CCT6B: variants seen among roughly 807,000 people sequenced by gnomAD.
CCT6B encodes the protein probable T-complex protein 1 subunit zeta-2.
Under a neutral mutation model 61.5 loss-of-function variants are expected in CCT6B, and 49 were observed. That is an observed-to-expected ratio of 0.80 (90% CI 0.63 to 1.01). The LOEUF is 1.01. Ranked by LOEUF, CCT6B falls within the 50% of genes least tolerant of loss-of-function variation. The pLI, the probability that CCT6B is intolerant of heterozygous loss-of-function variation, is 0.00. For missense variants in CCT6B, 666 were observed against 634.7 expected (o/e 1.05, Z -0.53); for synonymous variants, 228 against 214.5 (o/e 1.06, Z -0.55).
chr17:34,942,843 T>A lies in CCT6B; in HGVS notation c.678A>T (p.Glu226Asp), dbSNP rs2142155577. ...CGTTGCAAATAAGGATAAATGCATCTTCTACTCGCTTCTTCATATCTGGAT... is the reference window on the plus strand; with the variant it reads ...CGTTGCAAATAAGGATAAATGCATCATCTACTCGCTTCTTCATATCTGGAT... ...ARHPDMKKRV[E>D]DAFILICNVS... Residue 226 changes from glutamate (E) to aspartate (D), a missense_variant, in exon 6 of 14, where the codon GAA becomes GAT. Physicochemically the swap from Glu to Asp is conservative, Grantham distance 45 (BLOSUM62 2). Transcript: ENST00000314144. 6.2e-7 allele frequency: 1 copy of A among 1,611,812 alleles called. No individual in the cohort carries two copies. Among genetic ancestry groups the A allele is most frequent in the Non-Finnish European group, 8.5e-7 (1 of 1,178,714 alleles).
chr17:34,958,886 C>T (rs1410837560), intron 2 of CCT6B, among the ~76,000 whole-genome samples, 192 bp from the exon 3 acceptor site: 2 of 152,072 alleles, frequency 1.3e-5, no homozygotes, highest in African/African-American at 4.8e-5. Flanking sequence ...GTAATGAGGC[C>T]TGAACATTTC....
intron 5 of CCT6B, among the ~76,000 whole-genome samples, chr17:34,950,453 C>T (rs1263876130): frequency 6.6e-6 from 1 of 152,096 alleles, no homozygotes; most frequent in African/African-American, 2.4e-5. Flanking sequence ...AATGGTGATA[C>T]CACTACAGAT....
At chr17:34,944,507 C>T (rs892295237) in intron 5 of CCT6B, 1 of 152,258 alleles carries the variant, frequency 6.6e-6, no homozygotes, top group African/African-American at 2.4e-5. Flanking sequence ...TAGCTACTGC[C>T]CCATTTCTCT....
intron 5 of CCT6B, chr17:34,944,504 T>C (rs2142158306): frequency 1.3e-5 from 2 of 152,408 alleles, no homozygotes; most frequent in Admixed American, 1.3e-4. Context: ...TTCTAGCTAC[T>C]GCCCCATTTC....
At chr17:34,958,337 G>A (rs555100614) in intron 3 of CCT6B, among the ~76,000 whole-genome samples, 2 of 152,240 alleles carry the variant, frequency 1.3e-5, no homozygotes, top group African/African-American at 4.8e-5. Context: ...CCAGCTACTC[G>A]GGAAGCTGAA....
At chr17:34,928,875 A>G (rs894234989) in intron 13 of CCT6B, 87 bp downstream of exon 13, 5 of 771,462 alleles carry the variant, frequency 6.5e-6, no homozygotes, top group Non-Finnish European at 8.6e-6. Flanking sequence ...TCCACTGTAC[A>G]GGGACAAAAA....
At position 34,958,550 on chromosome 17, in the gene CCT6B, A is replaced by G; in HGVS notation, c.336+10T>C. ...TTCAAAATAACATATAAACTGTGAA[A>G]TTCTAATACCTCAGAAATGTACAGG... is the stretch of plus-strand genomic sequence containing the variant. On this transcript the variant is annotated intron_variant, in intron 3 of 13. Transcript: ENST00000314144. The G allele has an allele frequency of 6.7e-7, 1 of 1,486,916 alleles. No homozygotes were observed. Among genetic ancestry groups the G allele is most frequent in the Middle Eastern group, 1.8e-4 (1 of 5,604 alleles). The allele number at this position is 1,486,916 out of a possible 1,614,324, so 92.1% of individuals were successfully genotyped here.
intron 10 of CCT6B, among the ~76,000 whole-genome samples, chr17:34,933,114 A>T (rs1462379766): frequency 6.6e-6 from 1 of 152,202 alleles, no homozygotes; most frequent in Non-Finnish European, 1.5e-5. Flanking sequence ...TTTATAATTT[A>T]TATTGACAGG....
In CCT6B at chr17:34,928,123, G is replaced by A. The variant is rs2089990082; in HGVS notation, c.1524-6C>T. On this transcript the variant is annotated splice_polypyrimidine_tract_variant and splice_region_variant and intron_variant, in intron 13 of 13. Coordinates refer to ENST00000314144, the MANE Select transcript of CCT6B (RefSeq NM_006584.4). ...TGTTGGTGGCAATCACTGTGCTAAG[G>A]AAAAAGATGAGAGGGTGAGTAAAGC... 3 of 1,604,278 alleles carry A rather than the reference G, an allele frequency of 1.9e-6. No homozygotes were observed. Among genetic ancestry groups the A allele is most frequent in the African/African-American group, 2.7e-5 (2 of 74,472 alleles).
rs530437807 is a variant in CCT6B, at chr17:34,930,454, C to T, written c.1450+495G>A. 2.6e-5 allele frequency among the ~76,000 whole-genome samples: 4 copies of T among 152,228 alleles called. No individual in the cohort carries two copies. In the South Asian group the frequency reaches 8.3e-4, roughly 32 times the overall value. On this transcript the variant is annotated intron_variant, in intron 12 of 13. Transcript: ENST00000314144. ...GCTTTTCCACTGGCTGTTCTCTTTC[C>T]CTAGAACACTTAACCCCAGTTGCCT... is the stretch of plus-strand genomic sequence containing the variant.
chr17:34,942,732 A>G (rs2090179473), intron 6 of CCT6B, 64 bp downstream of exon 6: 2 of 1,495,114 alleles, frequency 1.3e-6, no homozygotes, highest in Admixed American at 2.0e-5. Context: ...TGGAAGGAAA[A>G]AGAGATTTTA....
chr17:34,956,061 A>G (rs1420217601), intron 3 of CCT6B, among the ~76,000 whole-genome samples: 4 of 152,142 alleles, frequency 2.6e-5, no homozygotes, highest in African/African-American at 9.7e-5. Flanking sequence ...TAAAATGCCA[A>G]CCTGACCATA....
rs767342965 is a variant in CCT6B at position 34,958,735 on chromosome 17, A to C, written c.202-41T>G. On this transcript the variant is annotated intron_variant, in intron 2 of 13. Transcript: ENST00000314144. ...AACAGATTTAAAAAGACAGGATGAGATAAGGAAGTAGGTCACCAAAAGCAA... is the reference window on the plus strand; with the variant it reads ...AACAGATTTAAAAAGACAGGATGAGCTAAGGAAGTAGGTCACCAAAAGCAA... 7.2e-6 allele frequency: 11 copies of C among 1,523,940 alleles called. No homozygotes were observed. In the African/African-American group the frequency reaches 1.5e-4, roughly 21 times the overall value. The allele number at this position is 1,523,940 out of a possible 1,614,324, so 94.4% of individuals were successfully genotyped here. A position where few individuals can be genotyped will look rare whatever the true frequency, so the allele number is the denominator to read the frequency against.
intron 4 of CCT6B, 128 bp from the exon 5 acceptor site, chr17:34,952,181 T>C: frequency 3.6e-6 from 2 of 551,632 alleles, no homozygotes; most frequent in Non-Finnish European, 3.2e-6. Flanking sequence ...GCAAGACCAA[T>C]ATGTGCCACT....
At chr17:34,959,564 T>G (rs747782305) in intron 2 of CCT6B, 23 bp downstream of exon 2, 1 of 1,586,132 alleles carries the variant, frequency 6.3e-7, no homozygotes, top group Non-Finnish European at 8.7e-7. Context: ...TAAGGTTTAT[T>G]AAAGTCAGCA....
At position 34,958,809 on chromosome 17, in the gene CCT6B, T is replaced by C. The variant is rs1192412257; in HGVS notation, c.202-115A>G. ...AATTAAAAAATGAAATAAGCTTCAT[T>C]CTACAAGTTTACAAGTTTTGTATTA... On this transcript the variant is annotated intron_variant, in intron 2 of 13. Coordinates refer to ENST00000314144, the MANE Select transcript of CCT6B (RefSeq NM_006584.4). The C allele has an allele frequency of 4.2e-6, 3 of 706,286 alleles. No homozygotes were observed. The African/African-American group carries it at 5.5e-5, about 13-fold the overall frequency. 43.8% of individuals were successfully genotyped at this position (706,286 alleles called of 1,614,324 possible). A position where few individuals can be genotyped will look rare whatever the true frequency, so the allele number is the denominator to read the frequency against.
chr17:34,941,806 T>C (rs1312456663), intron 7 of CCT6B, among the ~76,000 whole-genome samples: 1 of 152,282 alleles, frequency 6.6e-6, no homozygotes, highest in East Asian at 1.9e-4. Context: ...ATCCCAACAC[T>C]TTGGGAGGCC....
rs149906430 is a variant in CCT6B, at chr17:34,942,885, C to T, written c.636G>A (p.Leu212=). 1,289 of 1,602,808 alleles carry T rather than the reference C, an allele frequency of 8.0e-4. 6 individuals are homozygous for T. The highest frequency in any genetic ancestry group is 2.9e-3 in the South Asian group (256 of 89,700). The change falls in exon 6 of 14, where the codon TTG becomes TTA. Residue 212 remains leucine (L), a synonymous_variant. Transcript: ENST00000314144. ...TATCTGGATGACGGGCACCATGATCCAAAACTAATCCTTGGATCAACCTAT... is the reference window on the plus strand; with the variant it reads ...TATCTGGATGACGGGCACCATGATCTAAAACTAATCCTTGGATCAACCTAT... ...TDTKLIQGLV[L]DHGARHPDMK...
At chr17:34,955,829 C>G (rs1023086652) in intron 3 of CCT6B, among the ~76,000 whole-genome samples, 18 of 152,110 alleles carry the variant, frequency 1.2e-4, no homozygotes, top group Non-Finnish European at 1.9e-4. Flanking sequence ...TCCTATTTCA[C>G]AGATGAGAAG....
Sources: allele counts gnomAD v4.1 joint callset (sites outside exome capture counted in the v4.1 genomes callset), GRCh38; gene constraint gnomAD v4.1.1; transcripts MANE v1.5; gene names NCBI Gene and HGNC (gene_info 2026-07-23, HGNC 2026-07-21).